EP400: variants seen among roughly 807,000 people sequenced by gnomAD.
EP400 encodes E1A-binding protein p400.
In EP400, 105 loss-of-function variants were observed where a neutral mutation model predicts 354.1. The observed-to-expected ratio is 0.30, with a 90% CI of 0.25 to 0.35. The LOEUF is 0.35. Ranked by LOEUF, EP400 falls within the 10% of genes least tolerant of loss-of-function variation. EP400 has a pLI of 1.00. For missense variants in EP400, 3,280 were observed against 4,121.0 expected (o/e 0.80, Z 5.59); for synonymous variants, 1,646 against 1,716.9 (o/e 0.96, Z 1.02).
At position 131,988,828 on chromosome 12, in the gene EP400, G is replaced by C. The variant is rs1566175189; in HGVS notation, c.2409+938G>C. ...TGTTCATATTTTCTGTACTCTTAAC[G>C]CTATGGCCTTGTGTTCCATCCCTTG... On this transcript the variant is annotated intron_variant, in intron 7 of 52. Coordinates refer to ENST00000389561, the MANE Select transcript of EP400 (RefSeq NM_015409.5). Among the ~76,000 whole-genome samples, 3 of 152,046 alleles carry C rather than the reference G, an allele frequency of 2.0e-5. No individual in the cohort carries two copies. In the South Asian group the frequency reaches 6.2e-4, roughly 32 times the overall value.
intron 2 of EP400, among the ~76,000 whole-genome samples, chr12:131,963,827 C>T (rs1891982655): frequency 6.6e-6 from 1 of 152,164 alleles, no homozygotes; most frequent in Non-Finnish European, 1.5e-5. Context: ...TTAATGATGA[C>T]ACAGATCTTA....
At chr12:132,004,822 C>A (rs1008196573) in intron 12 of EP400, among the ~76,000 whole-genome samples, 1 of 152,172 alleles carries the variant, frequency 6.6e-6, no homozygotes, top group Non-Finnish European at 1.5e-5. Flanking sequence ...TCATCATTCC[C>A]CTTGCATCCC....
chr12:132,020,502 C>T (rs1475159783), intron 22 of EP400, among the ~76,000 whole-genome samples: 2 of 152,176 alleles, frequency 1.3e-5, no homozygotes, highest in South Asian at 4.1e-4. Context: ...GACAGAGGTG[C>T]GTGCGTGCAG....
chr12:132,061,702 G>A (rs1036703852), intron 45 of EP400, among the ~76,000 whole-genome samples: 1 of 152,222 alleles, frequency 6.6e-6, no homozygotes, highest in African/African-American at 2.4e-5. Context: ...AGACACTCAG[G>A]GCTGTAGTTT....
chr12:132,064,068 CCGG>C (rs1895805225), intron 47 of EP400, among the ~76,000 whole-genome samples: 16 of 148,558 alleles, frequency 1.1e-4, no homozygotes, highest in African/African-American at 3.7e-4. Context: ...GTCACCTGCC[CCGG>C]TTCAACCACT....
Position 132,021,288 on chromosome 12 carries a change from G to A in EP400, c.4657G>A (p.Val1553Met). Reference protein sequence around the residue: ...AGQSALPQRLVLPSQAQARLP... With the variant: ...AGQSALPQRLMLPSQAQARLP... ...GCAGAGCGCGCTGCCTCAGAGGCTG[G>A]TGCTCCCCTCGCAGGCCCAGGCCCG... is the stretch of plus-strand genomic sequence containing the variant. Residue 1553 changes from valine to methionine, a missense_variant, in exon 23 of 53, where the codon GTG (valine) becomes ATG (methionine). Physicochemically the swap from Val to Met is conservative, Grantham distance 21. Coordinates refer to ENST00000389561, the MANE Select transcript of EP400 (RefSeq NM_015409.5). 2.0e-6 allele frequency: 3 copies of A among 1,527,556 alleles called. No homozygotes were observed. The highest frequency in any genetic ancestry group is 2.6e-6 in the Non-Finnish European group (3 of 1,143,526). The allele number at this position is 1,527,556 out of a possible 1,614,324, so 94.6% of individuals were successfully genotyped here.
intron 30 of EP400, among the ~76,000 whole-genome samples, chr12:132,035,445 G>A (rs1321997063): frequency 1.3e-5 from 2 of 152,250 alleles, no homozygotes; most frequent in South Asian, 4.1e-4. Context: ...GCAAAATGCA[G>A]AGAAGTGGGA....
In EP400 at chr12:132,079,484, A is replaced by G. The variant is rs988686243; in HGVS notation, c.*1811A>G. 1 of 152,278 alleles carries G rather than the reference A, an allele frequency of 6.6e-6. No individual in the cohort carries two copies. Among genetic ancestry groups the G allele is most frequent in the East Asian group, 1.9e-4 (1 of 5,204 alleles). The allele number at this position is 152,278 out of a possible 1,614,324, so 9.4% of individuals were successfully genotyped here. On this transcript the variant is annotated 3_prime_UTR_variant, in exon 53 of 53. Coordinates refer to ENST00000389561, the MANE Select transcript of EP400 (RefSeq NM_015409.5). ...CAGATGTGATAGAACTGAAGTATCT[A>G]GGAATTCTGCCTTTGTCATTTGTTT...
At chr12:132,014,448 T>C (rs11246897) in intron 19 of EP400, among the ~76,000 whole-genome samples, 42,132 of 152,112 alleles carry the variant, frequency 0.28, 9,779 homozygotes, top group African/African-American at 0.64. Flanking sequence ...CTGTGCCCTT[T>C]GAGTTGACAC....
chr12:132,074,610 C>G (rs1213611349), intron 51 of EP400, among the ~76,000 whole-genome samples: 1 of 152,198 alleles, frequency 6.6e-6, no homozygotes, highest in Non-Finnish European at 1.5e-5. Flanking sequence ...CGTGTTGCCC[C>G]TGTCCTGCTT....
chr12:131,993,692 C>A (rs1290270570), intron 11 of EP400, among the ~76,000 whole-genome samples: 1 of 152,178 alleles, frequency 6.6e-6, no homozygotes, highest in Non-Finnish European at 1.5e-5. Context: ...CCTGTGCCTC[C>A]GGCTACAAAC....
rs573562141 is a variant in EP400, at chr12:132,036,499, C to T, written c.5952-1183C>T. On this transcript the variant is annotated intron_variant, in intron 30 of 52. Coordinates refer to ENST00000389561, the MANE Select transcript of EP400 (RefSeq NM_015409.5). ...AAGCACGCACCCAGGTTCACACTGACGTGGCTGCTGGGGCGGGGGGCAGGA... is the reference window on the plus strand; with the variant it reads ...AAGCACGCACCCAGGTTCACACTGATGTGGCTGCTGGGGCGGGGGGCAGGA... 1.4e-3 allele frequency among the ~76,000 whole-genome samples: 210 copies of T among 152,376 alleles called. 1 individual carries two copies. The highest frequency in any genetic ancestry group is 4.1e-4 in the South Asian group (2 of 4,830).
intron 4 of EP400, 70 bp from the exon 5 acceptor site, chr12:131,982,023 C>T: frequency 1.3e-6 from 2 of 1,491,032 alleles, no homozygotes; most frequent in Non-Finnish European, 1.8e-6. Flanking sequence ...AGACGTGTCT[C>T]CTTGTGACTC....
intron 45 of EP400, among the ~76,000 whole-genome samples, chr12:132,058,313 C>A (rs1247675608): frequency 6.7e-6 from 1 of 150,058 alleles, no homozygotes; most frequent in Non-Finnish European, 1.5e-5. Context: ...AATATTGAGG[C>A]TAGATTGTAC....
chr12:131,965,230 C>T (rs1892036372), intron 2 of EP400, among the ~76,000 whole-genome samples: 1 of 152,220 alleles, frequency 6.6e-6, no homozygotes, highest in African/African-American at 2.4e-5. Context: ...TCTACCAGGC[C>T]TGTCCAGTGG....
chr12:132,031,502 G>A (rs1015091527), intron 29 of EP400: 3 of 415,498 alleles, frequency 7.2e-6, no homozygotes, highest in Non-Finnish European at 1.4e-5. Context: ...GGGGACCTTG[G>A]TGTTGCTTTA....
chr12:132,036,693 C>T (rs1187518302), intron 30 of EP400, among the ~76,000 whole-genome samples: 1 of 152,144 alleles, frequency 6.6e-6, no homozygotes, highest in Non-Finnish European at 1.5e-5. Flanking sequence ...GGAATCCAGG[C>T]GATTTTTGTT....
Position 132,043,314 on chromosome 12 carries a change from G to A in EP400, c.6218G>A (p.Ser2073Asn). 6 of 1,611,966 alleles carry A rather than the reference G, an allele frequency of 3.7e-6. No homozygotes were observed. The highest frequency in any genetic ancestry group is 2.2e-5 in the East Asian group (1 of 44,880). ...ATAGACTTTCCTCAGGCCCTCAAGA[G>A]TATTGAGTATCTGGAGGAGGATGCC... Reference protein sequence around the residue: ...IARPFIEALKSIEYLEEDAQK... With the variant: ...IARPFIEALKNIEYLEEDAQK... The change falls in exon 33 of 53, where the codon AGT becomes AAT. Residue 2073 changes from serine (S) to asparagine (N), a missense_variant. Ser to Asn is a conservative substitution (Grantham distance 46). Coordinates refer to ENST00000389561, the MANE Select transcript of EP400 (RefSeq NM_015409.5).
At chr12:131,981,379 T>C (rs1244829820) in intron 3 of EP400, 110 bp from the exon 4 acceptor site, 3 of 771,528 alleles carry the variant, frequency 3.9e-6, no homozygotes, top group Non-Finnish European at 6.3e-6. Context: ...TTAGTTCATG[T>C]ATAGAAAGGC....
Sources: allele counts gnomAD v4.1 joint callset (sites outside exome capture counted in the v4.1 genomes callset), GRCh38; gene constraint gnomAD v4.1.1; transcripts MANE v1.5; gene names NCBI Gene and HGNC (gene_info 2026-07-23, HGNC 2026-07-21).